Variants in CNKSR3 observed in about 807,000 individuals in gnomAD.
CNKSR3 encodes CNKSR family member 3, also known as connector enhancer of kinase suppressor of ras 3.
In CNKSR3, 36 loss-of-function variants were observed where a neutral mutation model predicts 67.7. The ratio of observed to expected loss-of-function variants is 0.53; its 90% CI spans 0.41 to 0.70. The LOEUF is 0.70. Among genes scored for constraint, CNKSR3 ranks in the 30% least tolerant of loss-of-function variants. The pLI is 0.00. For synonymous variants in CNKSR3, 281 were observed against 271.4 expected (o/e 1.04, Z -0.35); for missense variants, 630 against 695.2 (o/e 0.91, Z 1.05).
At chr6:154,466,710 C>G (rs1023585303) in intron 1 of CNKSR3, among the ~76,000 whole-genome samples, 1 of 151,878 alleles carries the variant, frequency 6.6e-6, no homozygotes, top group African/African-American at 2.4e-5. Flanking sequence ...GCCTCCACCT[C>G]CCAGGCTCAA....
chr6:154,454,136 G>C (rs539073602), intron 1 of CNKSR3, among the ~76,000 whole-genome samples: 51,948 of 138,388 alleles, frequency 0.38, 10,410 homozygotes, highest in African/African-American at 0.47. Context: ...GAGAGAGAGA[G>C]AGAGAGAGAT....
chr6:154,444,605 CTTTTTTTTT>C (rs775511533), intron 2 of CNKSR3, among the ~76,000 whole-genome samples: 7 of 135,848 alleles, frequency 5.2e-5, no homozygotes, highest in African/African-American at 2.0e-4. Flanking sequence ...AGTGGAGAAA[CTTTTTTTTT>C]TTTTTTTTTT....
In CNKSR3 at chr6:154,450,034, T is replaced by G. The variant is rs556761332; in HGVS notation, c.216+61A>C. On this transcript the variant is annotated intron_variant, in intron 2 of 12. Coordinates refer to ENST00000607772, the MANE Select transcript of CNKSR3 (RefSeq NM_173515.4). Reference sequence around the variant, plus strand: ...ATGCTAAATCACAAACAATGACGGCTTAAGAGAGCAAGGCTCTAAAGAACG... The same window carrying G: ...ATGCTAAATCACAAACAATGACGGCGTAAGAGAGCAAGGCTCTAAAGAACG... 23 of 1,501,994 alleles carry G rather than the reference T, an allele frequency of 1.5e-5. No individual in the cohort carries two copies. The Admixed American group carries it at 3.6e-4, about 23-fold the overall frequency. The allele number at this position is 1,501,994 out of a possible 1,614,324, so 93.0% of individuals were successfully genotyped here. A position where few individuals can be genotyped will look rare whatever the true frequency, so the allele number is the denominator to read the frequency against.
rs898806812 is a variant in CNKSR3 at position 154,392,519 on chromosome 6, G to C, written c.*13835C>G. ...GGTCCCCTGCTGTCAATTTCATCTG[G>C]GGCACTAAACAGATGGCTAAAGGAG... On this transcript the variant is annotated 3_prime_UTR_variant, in exon 13 of 13. Transcript: ENST00000607772. 6.6e-6 allele frequency: 1 copy of C among 152,158 alleles called. No individual in the cohort carries two copies. Among genetic ancestry groups the C allele is most frequent in the African/African-American group, 2.4e-5 (1 of 41,428 alleles). The allele number at this position is 152,158 out of a possible 1,614,324, so 9.4% of individuals were successfully genotyped here.
At chr6:154,450,292 A>G (rs548861349) in intron 1 of CNKSR3, 34 bp from the exon 2 acceptor site, 12 of 1,607,174 alleles carry the variant, frequency 7.5e-6, no homozygotes, top group Admixed American at 3.4e-5. Context: ...CATTATTGCC[A>G]TTTTGTTCCT....
intron 2 of CNKSR3, among the ~76,000 whole-genome samples, chr6:154,449,631 T>G (rs550480229): frequency 1.3e-3 from 200 of 152,354 alleles, no homozygotes; most frequent in Middle Eastern, 3.4e-3. Context: ...CGCCAGAAGG[T>G]GACATTTTCA....
At chr6:154,452,067 G>A (rs1003599835) in intron 1 of CNKSR3, among the ~76,000 whole-genome samples, 12 of 152,168 alleles carry the variant, frequency 7.9e-5, no homozygotes, top group African/African-American at 1.7e-4. Flanking sequence ...AATCGTCTGC[G>A]GGGGAGGCAG....
At chr6:154,417,948 T>A (rs1785055762) in intron 9 of CNKSR3, among the ~76,000 whole-genome samples, 1 of 152,186 alleles carries the variant, frequency 6.6e-6, no homozygotes, top group African/African-American at 2.4e-5. Context: ...TGGCACTCCA[T>A]ACCTGCCAAT....
rs546096714 is a variant in CNKSR3 at position 154,401,242 on chromosome 6, C to A, written c.*5112G>T. On this transcript the variant is annotated 3_prime_UTR_variant, in exon 13 of 13. Coordinates refer to ENST00000607772, the MANE Select transcript of CNKSR3 (RefSeq NM_173515.4). Reference sequence around the variant, plus strand: ...TCTCCAAAGCAATGGTATTAGGAGGCGGAGCTAATACCATAAGTGGGCCTT... The same window carrying A: ...TCTCCAAAGCAATGGTATTAGGAGGAGGAGCTAATACCATAAGTGGGCCTT... 6.6e-6 allele frequency: 1 copy of A among 152,144 alleles called. No individual in the cohort carries two copies. The highest frequency in any genetic ancestry group is 2.4e-5 in the African/African-American group (1 of 41,434). The allele number at this position is 152,144 out of a possible 1,614,324, so 9.4% of individuals were successfully genotyped here. A position where few individuals can be genotyped will look rare whatever the true frequency, so the allele number is the denominator to read the frequency against.
intron 1 of CNKSR3, among the ~76,000 whole-genome samples, chr6:154,477,837 T>C (rs1439353815): frequency 1.3e-5 from 2 of 152,166 alleles, no homozygotes; most frequent in Non-Finnish European, 2.9e-5. Context: ...AACACCCAAA[T>C]GCACTCATGT....
intron 1 of CNKSR3, among the ~76,000 whole-genome samples, chr6:154,470,301 A>G (rs545800734): frequency 6.8e-6 from 1 of 146,002 alleles, no homozygotes; most frequent in African/African-American, 2.5e-5. Context: ...CCCAGGTTCA[A>G]GCAATCCTCC....
intron 9 of CNKSR3, among the ~76,000 whole-genome samples, chr6:154,422,063 G>A (rs1785156574): frequency 6.7e-6 from 1 of 149,804 alleles, no homozygotes; most frequent in Non-Finnish European, 1.5e-5. Context: ...CACGATCTTG[G>A]CTCACTGCAA....
intron 1 of CNKSR3, among the ~76,000 whole-genome samples, chr6:154,467,085 G>A (rs995555323): frequency 6.6e-6 from 1 of 152,108 alleles, no homozygotes; most frequent in Non-Finnish European, 1.5e-5. Context: ...TCCAGTTAGA[G>A]CCCTCAAATG....
chr6:154,418,362 C>G (rs1319021928), intron 9 of CNKSR3, among the ~76,000 whole-genome samples: 1 of 152,202 alleles, frequency 6.6e-6, no homozygotes, highest in African/African-American at 2.4e-5. Flanking sequence ...ACACCTAAGA[C>G]TCTGCTCTAG....
intron 1 of CNKSR3, among the ~76,000 whole-genome samples, chr6:154,500,572 C>T (rs1384170036): frequency 6.6e-6 from 1 of 152,134 alleles, no homozygotes; most frequent in African/African-American, 2.4e-5. Context: ...CCACTCCCTC[C>T]CCTCTATGGA....
At chr6:154,463,043 CA>C (rs1225743108) in intron 1 of CNKSR3, among the ~76,000 whole-genome samples, 2 of 152,212 alleles carry the variant, frequency 1.3e-5, no homozygotes, top group East Asian at 3.9e-4. Flanking sequence ...AATTTCCCCC[CA>C]CCCTGTCAGT....
At chr6:154,490,441 T>C (rs1256490541) in intron 1 of CNKSR3, among the ~76,000 whole-genome samples, 5 of 152,224 alleles carry the variant, frequency 3.3e-5, no homozygotes, top group African/African-American at 1.2e-4. Flanking sequence ...GTATATATGA[T>C]ATATAATATG....
chr6:154,420,417 C>T (rs1302343885), intron 9 of CNKSR3, among the ~76,000 whole-genome samples: 5 of 151,894 alleles, frequency 3.3e-5, no homozygotes, highest in Admixed American at 1.3e-4. Flanking sequence ...TGGCCGGGCG[C>T]GGTGGCTCAC....
In CNKSR3 at chr6:154,409,881, C is replaced by CAAAAAAAAAAAAAAAAA. The variant is rs56081008; in HGVS notation, c.1369+461_1369+462insTTTTTTTTTTTTTTTTT. On this transcript the variant is annotated intron_variant, in intron 12 of 12. Coordinates refer to ENST00000607772, the MANE Select transcript of CNKSR3 (RefSeq NM_173515.4). ...CAACATATTGAGACTCTGTCTCTAC[C>CAAAAAAAAAAAAAAAAA]AAAAAAAAAAAAAAAATTAGCCAGC... Among the ~76,000 whole-genome samples, 4 of 126,626 alleles carry CAAAAAAAAAAAAAAAAA rather than the reference C, an allele frequency of 3.2e-5. No individual in the cohort carries two copies. The East Asian group carries it at 9.3e-4, about 30-fold the overall frequency. 83.1% of individuals were successfully genotyped at this position (126,626 alleles called of 152,430 possible).
Sources: allele counts gnomAD v4.1 joint callset (sites outside exome capture counted in the v4.1 genomes callset), GRCh38; gene constraint gnomAD v4.1.1; transcripts MANE v1.5; gene names NCBI Gene and HGNC (gene_info 2026-07-23, HGNC 2026-07-21).